Variants in CAMKMT observed in about 807,000 individuals in gnomAD.
The protein encoded by CAMKMT is calmodulin-lysine N-methyltransferase.
A neutral mutation model predicts 48.0 loss-of-function variants in CAMKMT; 53 were observed. That is an observed-to-expected ratio of 1.10 (90% CI 0.89 to 1.39). The LOEUF is 1.39. Among genes scored for constraint, CAMKMT ranks in the 40% most tolerant of loss-of-function variants. The pLI, the probability that CAMKMT is intolerant of heterozygous loss-of-function variation, is 0.00. For synonymous variants in CAMKMT, 165 were observed against 152.3 expected, an observed-to-expected ratio of 1.08 and a Z score of -0.61; for missense variants, 428 against 402.7, an observed-to-expected ratio of 1.06 and a Z score of -0.54.
At chr2:44,447,501 C>T (rs73924767) in intron 3 of CAMKMT, among the ~76,000 whole-genome samples, 9,113 of 152,208 alleles carry the variant, frequency 0.06, 838 homozygotes, top group African/African-American at 0.2. Context: ...CAGCCCATCC[C>T]CCCCAACCTC....
At chr2:44,588,184 A>G (rs1669993112) in intron 3 of CAMKMT, among the ~76,000 whole-genome samples, 1 of 124,560 alleles carries the variant, frequency 8.0e-6, no homozygotes, top group Non-Finnish European at 1.7e-5. Context: ...CTGAGAAGTG[A>G]GGAAACCCTC....
chr2:44,511,462 T>C (rs1437669439), intron 3 of CAMKMT, among the ~76,000 whole-genome samples: 1 of 152,044 alleles, frequency 6.6e-6, no homozygotes, highest in Non-Finnish European at 1.5e-5. Flanking sequence ...CTAATTTTTG[T>C]ATTTTTGGTA....
At chr2:44,658,984 C>G (rs1674525385) in intron 3 of CAMKMT, among the ~76,000 whole-genome samples, 1 of 151,290 alleles carries the variant, frequency 6.6e-6, no homozygotes, top group Admixed American at 6.6e-5. Context: ...CCCCTTACTG[C>G]TAAATTTTGG....
intron 3 of CAMKMT, among the ~76,000 whole-genome samples, chr2:44,472,891 A>C (rs939226018): frequency 6.6e-6 from 1 of 152,220 alleles, no homozygotes; most frequent in African/African-American, 2.4e-5. Context: ...CATTTTTTCT[A>C]GCTGCATTTA....
At chr2:44,459,199 C>T (rs182723402) in intron 3 of CAMKMT, among the ~76,000 whole-genome samples, 1 of 152,100 alleles carries the variant, frequency 6.6e-6, no homozygotes, top group Non-Finnish European at 1.5e-5. Context: ...GTTTTGAAGA[C>T]CAGCTTTAGA....
intron 3 of CAMKMT, among the ~76,000 whole-genome samples, chr2:44,699,566 A>C (rs1677147182): frequency 1.3e-5 from 2 of 152,164 alleles, no homozygotes; most frequent in Non-Finnish European, 1.5e-5. Context: ...TATAGAGCAT[A>C]AGCAGAGTAG....
chr2:44,703,695 T>C (rs1401664538), intron 3 of CAMKMT, among the ~76,000 whole-genome samples: 1 of 150,356 alleles, frequency 6.7e-6, no homozygotes, highest in Non-Finnish European at 1.5e-5. Flanking sequence ...GGAGAATCAC[T>C]TGAATCCAGG....
chr2:44,390,528 T>TG (rs1300555424), intron 3 of CAMKMT, among the ~76,000 whole-genome samples: 3 of 78,954 alleles, frequency 3.8e-5, no homozygotes, highest in Non-Finnish European at 7.6e-5. Context: ...TGTGTGTGTG[T>TG]GGGGGGGAGG....
At chr2:44,579,861 C>G (rs1409072672) in intron 3 of CAMKMT, among the ~76,000 whole-genome samples, 1 of 151,384 alleles carries the variant, frequency 6.6e-6, no homozygotes, top group Non-Finnish European at 1.5e-5. Context: ...TCAGACATAC[C>G]CTTGTATAAA....
rs147525302 is a variant in CAMKMT, at chr2:44,676,210, C to A, written c.377-28073C>A. 1.6e-4 allele frequency among the ~76,000 whole-genome samples: 24 copies of A among 152,240 alleles called. No individual in the cohort carries two copies. In the East Asian group the frequency reaches 4.2e-3, roughly 27 times the overall value. On this transcript the variant is annotated intron_variant, in intron 3 of 10. Coordinates refer to ENST00000378494, the MANE Select transcript of CAMKMT (RefSeq NM_024766.5). ...AGTCTTATTTCCTCTTTCCCTCTCTCGCTCTCTCTCTCTTCCCTCTCTTTG... is the reference window on the plus strand; with the variant it reads ...AGTCTTATTTCCTCTTTCCCTCTCTAGCTCTCTCTCTCTTCCCTCTCTTTG...
At chr2:44,479,424 A>G (rs1030291569) in intron 3 of CAMKMT, among the ~76,000 whole-genome samples, 2 of 152,196 alleles carry the variant, frequency 1.3e-5, no homozygotes, top group African/African-American at 4.8e-5. Context: ...ATCTCAGATC[A>G]CCTAGCAACT....
chr2:44,405,225 A>G (rs950460678), intron 3 of CAMKMT, among the ~76,000 whole-genome samples: 8 of 152,144 alleles, frequency 5.3e-5, no homozygotes, highest in African/African-American at 1.9e-4. Context: ...TCATAAAGAC[A>G]GATGAGCAAG....
chr2:44,696,434 T>C (rs1676955385), intron 3 of CAMKMT, among the ~76,000 whole-genome samples: 1 of 152,144 alleles, frequency 6.6e-6, no homozygotes, highest in Admixed American at 6.5e-5. Context: ...TTGAAGGGGA[T>C]GAAACTAAGG....
At chr2:44,415,838 C>A (rs1358631823) in intron 3 of CAMKMT, among the ~76,000 whole-genome samples, 1 of 152,134 alleles carries the variant, frequency 6.6e-6, no homozygotes, top group Non-Finnish European at 1.5e-5. Flanking sequence ...TTCAGTACTT[C>A]ATTTCTAACC....
intron 3 of CAMKMT, among the ~76,000 whole-genome samples, chr2:44,673,134 TA>T (rs1466205694): frequency 6.6e-6 from 1 of 152,022 alleles, no homozygotes; most frequent in East Asian, 1.9e-4. Flanking sequence ...TGAGTGGTTT[TA>T]AAAACATAGG....
At chr2:44,579,613 T>C (rs150874717) in intron 3 of CAMKMT, among the ~76,000 whole-genome samples, 2 of 152,360 alleles carry the variant, frequency 1.3e-5, no homozygotes, top group East Asian at 3.9e-4. Flanking sequence ...AAAAGGTTTT[T>C]GGTTTGCCCT....
chr2:44,692,655 A>G (rs1425620832), intron 3 of CAMKMT, among the ~76,000 whole-genome samples: 1 of 151,980 alleles, frequency 6.6e-6, no homozygotes, highest in African/African-American at 2.4e-5. Context: ...CTTGCCCAAG[A>G]TCACAGAACC....
At chr2:44,724,469 C>T (rs566613259) in intron 7 of CAMKMT, among the ~76,000 whole-genome samples, 9 of 152,124 alleles carry the variant, frequency 5.9e-5, no homozygotes, top group East Asian at 5.8e-4. Context: ...TTGAACAATC[C>T]GACATTTGAA....
chr2:44,744,338 G>A (rs1387687272), intron 8 of CAMKMT, among the ~76,000 whole-genome samples: 2 of 151,776 alleles, frequency 1.3e-5, no homozygotes, highest in East Asian at 1.9e-4. Flanking sequence ...ATTTACATTC[G>A]GTATTTTGCC....
Sources: gnomAD v4.1 joint callset for allele counts (sites outside exome capture counted in the v4.1 genomes callset) on GRCh38, gnomAD v4.1.1 for gene constraint, MANE v1.5 for transcripts, NCBI Gene and HGNC (gene_info 2026-07-23, HGNC 2026-07-21) for gene names.